GALNTL6: variants seen among roughly 807,000 people sequenced by gnomAD.
GALNTL6 encodes polypeptide N-acetylgalactosaminyltransferase-like 6.
GALNTL6 carries 46 observed loss-of-function variants against 73.7 expected under a neutral mutation model. That is an observed-to-expected ratio of 0.62 (90% CI 0.49 to 0.80). The LOEUF is 0.80. GALNTL6 is among the 30% of genes least tolerant of loss of function. The pLI, the probability that GALNTL6 is intolerant of heterozygous loss-of-function variation, is 0.00. For missense variants in GALNTL6, 604 were observed against 755.0 expected, an observed-to-expected ratio of 0.80 and a Z score of 2.34; for synonymous variants, 259 against 263.7, an observed-to-expected ratio of 0.98 and a Z score of 0.17.
chr4:171,823,717 A>T (rs1452939793), intron 2 of GALNTL6, among the ~76,000 whole-genome samples: 3 of 151,660 alleles, frequency 2.0e-5, no homozygotes, highest in African/African-American at 7.3e-5. Flanking sequence ...ATGTCAGGAA[A>T]CCATACAGCC....
chr4:172,666,516 C>A (rs933896702), intron 5 of GALNTL6, among the ~76,000 whole-genome samples: 8 of 152,004 alleles, frequency 5.3e-5, no homozygotes, highest in East Asian at 1.9e-4. Context: ...CATACACACA[C>A]AAAAAAAATT....
chr4:172,293,833 C>CT (rs946914203), intron 3 of GALNTL6, among the ~76,000 whole-genome samples: 3 of 150,160 alleles, frequency 2.0e-5, no homozygotes, highest in Non-Finnish European at 3.0e-5. Context: ...TTTCCTTAAA[C>CT]TTTTTTTTTA....
At chr4:172,602,651 T>A (rs1287859593) in intron 5 of GALNTL6, among the ~76,000 whole-genome samples, 1 of 152,172 alleles carries the variant, frequency 6.6e-6, no homozygotes, top group Non-Finnish European at 1.5e-5. Context: ...GAATATTAAA[T>A]TTTTCAGCCA....
chr4:172,716,127 C>T (rs773347159), intron 5 of GALNTL6, among the ~76,000 whole-genome samples: 2 of 151,714 alleles, frequency 1.3e-5, no homozygotes, highest in South Asian at 4.2e-4. Flanking sequence ...TTTTTATTGT[C>T]GTAACTAATT....
At chr4:172,895,006 C>G (rs1462323169) in intron 8 of GALNTL6, among the ~76,000 whole-genome samples, 1 of 148,794 alleles carries the variant, frequency 6.7e-6, no homozygotes, top group Non-Finnish European at 1.5e-5. Context: ...TATAGCTACT[C>G]TAGCTCTCTT....
chr4:171,894,918 A>G (rs1425875582), intron 2 of GALNTL6, among the ~76,000 whole-genome samples: 1 of 152,322 alleles, frequency 6.6e-6, no homozygotes, highest in Middle Eastern at 3.4e-3. Flanking sequence ...ATGGAATAAG[A>G]TGGATATTCT....
intron 5 of GALNTL6, among the ~76,000 whole-genome samples, chr4:172,489,473 G>A (rs971233972): frequency 6.6e-5 from 10 of 152,216 alleles, no homozygotes; most frequent in Non-Finnish European, 1.3e-4. Context: ...ACACATAGGT[G>A]ATTGAAATGA....
At chr4:172,650,490 A>C (rs372069722) in intron 5 of GALNTL6, among the ~76,000 whole-genome samples, 2 of 152,330 alleles carry the variant, frequency 1.3e-5, no homozygotes, top group East Asian at 3.9e-4. Flanking sequence ...TCTACTTAGC[A>C]TTAGTGAGAT....
intron 3 of GALNTL6, among the ~76,000 whole-genome samples, chr4:172,306,174 A>C (rs2654777): frequency 0.33 from 50,475 of 151,970 alleles, 8,527 homozygotes; most frequent in Middle Eastern, 0.39. Context: ...AAGTAACCTG[A>C]GGCCAGAAGT....
At chr4:171,857,416 T>TGTG (rs1427214719) in intron 2 of GALNTL6, among the ~76,000 whole-genome samples, 1 of 151,982 alleles carries the variant, frequency 6.6e-6, no homozygotes, top group Non-Finnish European at 1.5e-5. Context: ...ATGTTTCAGA[T>TGTG]GTGGTGGTGA....
chr4:172,715,821 C>T (rs527564231), intron 5 of GALNTL6, among the ~76,000 whole-genome samples: 3 of 152,274 alleles, frequency 2.0e-5, no homozygotes, highest in Admixed American at 2.0e-4. Context: ...GTCTTGCATA[C>T]GTTTGTGGAC....
intron 2 of GALNTL6, among the ~76,000 whole-genome samples, chr4:171,851,089 T>A (rs1735511118): frequency 6.6e-6 from 1 of 152,190 alleles, no homozygotes; most frequent in Admixed American, 6.5e-5. Flanking sequence ...AAAATTGAAG[T>A]ATAAGATAGG....
intron 5 of GALNTL6, among the ~76,000 whole-genome samples, chr4:172,377,487 G>A (rs1264422281): frequency 6.6e-6 from 1 of 152,188 alleles, no homozygotes; most frequent in Non-Finnish European, 1.5e-5. Context: ...AGCAGATCCC[G>A]TGCTGGGGCC....
At chr4:173,028,496 T>G (rs559202398) in intron 12 of GALNTL6, among the ~76,000 whole-genome samples, 2 of 152,320 alleles carry the variant, frequency 1.3e-5, no homozygotes, top group Admixed American at 1.3e-4. Flanking sequence ...CTATAGCATT[T>G]TGTTTCCTTC....
At chr4:172,662,065 CA>C (rs1347509131) in intron 5 of GALNTL6, among the ~76,000 whole-genome samples, 5 of 152,224 alleles carry the variant, frequency 3.3e-5, no homozygotes, top group African/African-American at 1.2e-4. Context: ...CACAGGATCT[CA>C]GGCCCCTTTC....
chr4:171,903,403 G>A (rs28592676), intron 2 of GALNTL6, among the ~76,000 whole-genome samples: 1,735 of 152,124 alleles, frequency 0.011, 35 homozygotes, highest in African/African-American at 0.04. Flanking sequence ...GGAAAATCGG[G>A]TCACTCCCAC....
chr4:172,654,475 T>C (rs1730877769), intron 5 of GALNTL6, among the ~76,000 whole-genome samples: 2 of 152,198 alleles, frequency 1.3e-5, no homozygotes, highest in African/African-American at 2.4e-5. Context: ...TACTAGAGTA[T>C]TTTTTTCATA....
chr4:172,536,223 A>G (rs1735341048), intron 5 of GALNTL6, among the ~76,000 whole-genome samples: 1 of 152,162 alleles, frequency 6.6e-6, no homozygotes. Context: ...AGTCTCTGGT[A>G]TGTTCTTATA....
chr4:172,750,623 G>A (rs920353172), intron 5 of GALNTL6, among the ~76,000 whole-genome samples: 4 of 151,996 alleles, frequency 2.6e-5, no homozygotes, highest in African/African-American at 7.3e-5. Flanking sequence ...CTCCCTTGAC[G>A]TTCCTTTGCC....
Sources: gnomAD v4.1 joint callset for allele counts (sites outside exome capture counted in the v4.1 genomes callset) on GRCh38, gnomAD v4.1.1 for gene constraint, MANE v1.5 for transcripts, NCBI Gene and HGNC (gene_info 2026-07-23, HGNC 2026-07-21) for gene names.